The following HMBOX1 variants were observed in gnomAD, a reference collection of about 807,000 sequenced individuals.
The protein encoded by HMBOX1 is homeobox-containing protein 1.
Under a neutral mutation model 54.5 loss-of-function variants are expected in HMBOX1, and 14 were observed. The ratio of observed to expected loss-of-function variants is 0.26; its 90% CI spans 0.17 to 0.40. The LOEUF (loss-of-function observed/expected upper bound fraction) is 0.40, where lower values mean the gene tolerates loss of function less well. HMBOX1 is among the 10% of genes least tolerant of loss of function. HMBOX1 has a pLI of 1.00. For synonymous variants in HMBOX1, 160 were observed against 181.0 expected, an observed-to-expected ratio of 0.88 and a Z score of 0.93; for missense variants, 332 against 514.4, an observed-to-expected ratio of 0.65 and a Z score of 3.43.
chr8:28,971,196 G>A (rs538133906), intron 3 of HMBOX1, among the ~76,000 whole-genome samples: 16 of 148,956 alleles, frequency 1.1e-4, no homozygotes, highest in African/African-American at 1.7e-4. Context: ...AGGTTCAAGC[G>A]ATTCTCTTGT....
At chr8:29,008,434 G>A (rs935479134) in intron 4 of HMBOX1, among the ~76,000 whole-genome samples, 17 of 152,100 alleles carry the variant, frequency 1.1e-4, no homozygotes, top group Non-Finnish European at 2.4e-4. Context: ...TTGGAAAAAT[G>A]TCTTTAGCTG....
chr8:29,034,882 G>A (rs751169269), intron 6 of HMBOX1, among the ~76,000 whole-genome samples: 4 of 151,034 alleles, frequency 2.6e-5, no homozygotes, highest in African/African-American at 4.9e-5. Context: ...AATAAATAAA[G>A]GCAATTGAGG....
At chr8:28,937,243 C>T (rs1399551462) in intron 1 of HMBOX1, among the ~76,000 whole-genome samples, 1 of 152,176 alleles carries the variant, frequency 6.6e-6, no homozygotes, top group Non-Finnish European at 1.5e-5. Context: ...GTTTGTTATC[C>T]ATAGTCATTG....
intron 1 of HMBOX1, among the ~76,000 whole-genome samples, chr8:28,936,210 T>C (rs1820380244): frequency 6.6e-6 from 1 of 152,074 alleles, no homozygotes; most frequent in Non-Finnish European, 1.5e-5. Context: ...AAACTCCAGT[T>C]TATTTTAACC....
intron 9 of HMBOX1, chr8:29,049,621 C>T (rs1180725118): frequency 6.0e-5 from 28 of 467,602 alleles, no homozygotes; most frequent in East Asian, 4.9e-4. Context: ...CTCTTCACCT[C>T]GCCCTGATTT....
intron 2 of HMBOX1, among the ~76,000 whole-genome samples, chr8:28,964,453 A>G (rs1324508443): frequency 1.3e-5 from 2 of 152,238 alleles, no homozygotes; most frequent in Admixed American, 6.5e-5. Context: ...GTGCTAGGAT[A>G]TGAACTATAA....
chr8:28,975,339 A>T (rs559068666), intron 3 of HMBOX1, among the ~76,000 whole-genome samples: 2 of 152,330 alleles, frequency 1.3e-5, no homozygotes, highest in South Asian at 4.1e-4. Flanking sequence ...CATTGCAAGA[A>T]GAGACCTTTT....
Position 28,934,215 on chromosome 8 carries a change from T to C in HMBOX1, c.-57-29596T>C, listed in dbSNP as rs534823290. On this transcript the variant is annotated intron_variant, in intron 1 of 9. Coordinates refer to ENST00000287701, the MANE Select transcript of HMBOX1 (RefSeq NM_001135726.3). ...GATTCACCATATTAACAGACTCAAGTAGAAAAACTAATCAGTTCAATAGAT... is the reference window on the plus strand; with the variant it reads ...GATTCACCATATTAACAGACTCAAGCAGAAAAACTAATCAGTTCAATAGAT... Among the ~76,000 whole-genome samples the C allele has an allele frequency of 1.1e-4, 17 of 152,276 alleles. No homozygotes were observed. The South Asian group carries it at 3.3e-3, about 30-fold the overall frequency.
At chr8:28,986,880 A>G (rs1830244121) in intron 4 of HMBOX1, among the ~76,000 whole-genome samples, 1 of 152,024 alleles carries the variant, frequency 6.6e-6, no homozygotes. Context: ...CAGGAAAAAA[A>G]CCAGCCTTCA....
intron 2 of HMBOX1, among the ~76,000 whole-genome samples, chr8:28,968,161 C>T (rs3824105): frequency 0.16 from 24,915 of 152,130 alleles, 2,433 homozygotes; most frequent in East Asian, 0.47. Context: ...TAAAAACATA[C>T]GACATCTAGC....
chr8:29,039,559 T>C (rs1463513695), intron 6 of HMBOX1, among the ~76,000 whole-genome samples: 1 of 152,174 alleles, frequency 6.6e-6, no homozygotes, highest in East Asian at 1.9e-4. Context: ...CATTCATTTA[T>C]TCCCTAATGT....
In HMBOX1 at chr8:29,051,475, A is replaced by G. The variant is rs1022302532; in HGVS notation, c.*320A>G. ...TATTTAGATAGCCCTCAGTTCTCAA[A>G]TATTAGACTACGTGTAAAATCTTGG... On this transcript the variant is annotated 3_prime_UTR_variant, in exon 10 of 10. Transcript: ENST00000287701. The G allele has an allele frequency of 4.4e-5, 31 of 699,220 alleles. No individual in the cohort carries two copies. In the African/African-American group the frequency reaches 5.2e-4, roughly 12 times the overall value. 43.3% of individuals were successfully genotyped at this position (699,220 alleles called of 1,614,324 possible).
At chr8:28,928,299 A>AAG (rs370954259) in intron 1 of HMBOX1, among the ~76,000 whole-genome samples, 26 of 152,322 alleles carry the variant, frequency 1.7e-4, no homozygotes, top group African/African-American at 5.1e-4. Context: ...TAACCAGTCT[A>AAG]AGAGAGAAGA....
chr8:28,981,242 A>G (rs761621980), intron 4 of HMBOX1, among the ~76,000 whole-genome samples: 18 of 152,192 alleles, frequency 1.2e-4, no homozygotes, highest in Non-Finnish European at 2.4e-4. Context: ...ATATTACACT[A>G]GTAATATATT....
At chr8:28,940,505 C>T (rs536021929) in intron 1 of HMBOX1, among the ~76,000 whole-genome samples, 1 of 152,228 alleles carries the variant, frequency 6.6e-6, no homozygotes, top group African/African-American at 2.4e-5. Context: ...ACTCTCACTA[C>T]ACTGTAAGCT....
At chr8:28,924,285 A>G (rs1048200719) in intron 1 of HMBOX1, among the ~76,000 whole-genome samples, 11 of 150,470 alleles carry the variant, frequency 7.3e-5, no homozygotes, top group African/African-American at 2.7e-4. Context: ...TTTTTTTTGT[A>G]TTTTTAGTAG....
At chr8:28,985,681 A>G (rs1830051177) in intron 4 of HMBOX1, among the ~76,000 whole-genome samples, 1 of 152,220 alleles carries the variant, frequency 6.6e-6, no homozygotes, top group South Asian at 2.1e-4. Flanking sequence ...GGATAAAACC[A>G]CTGCATATTC....
intron 1 of HMBOX1, among the ~76,000 whole-genome samples, chr8:28,900,906 A>G (rs1402361778): frequency 6.6e-6 from 1 of 152,112 alleles, no homozygotes; most frequent in Admixed American, 6.6e-5. Flanking sequence ...TGGAGTCTTA[A>G]TTACTCTTAG....
At chr8:28,913,004 ACTTC>A (rs543272969) in intron 1 of HMBOX1, among the ~76,000 whole-genome samples, 63 of 152,086 alleles carry the variant, frequency 4.1e-4, no homozygotes, top group Admixed American at 5.9e-4. Flanking sequence ...TCTGATTCTT[ACTTC>A]CTTCATGTTA....
Sources: gnomAD v4.1 joint callset for allele counts (sites outside exome capture counted in the v4.1 genomes callset) on GRCh38, gnomAD v4.1.1 for gene constraint, MANE v1.5 for transcripts, NCBI Gene and HGNC (gene_info 2026-07-23, HGNC 2026-07-21) for gene names.